Variants in CCNY observed in about 807,000 individuals in gnomAD.
CCNY encodes cyclin Y, also known as cyclin-Y.
In CCNY, 19 loss-of-function variants were observed where a neutral mutation model predicts 42.8. That is an observed-to-expected ratio of 0.44 (90% confidence interval 0.31 to 0.65). CCNY has a LOEUF of 0.65. CCNY is among the 30% of genes least tolerant of loss of function. The pLI, the probability that CCNY is intolerant of heterozygous loss-of-function variation, is 0.07. For missense variants in CCNY, 370 were observed against 437.3 expected (o/e 0.85, Z 1.37); for synonymous variants, 165 against 162.7 (o/e 1.01, Z -0.11).
chr10:35,343,281 G>A (rs146614059), intron 1 of CCNY, among the ~76,000 whole-genome samples: 4 of 150,128 alleles, frequency 2.7e-5, no homozygotes, highest in African/African-American at 7.4e-5. Flanking sequence ...GAGCCACTGC[G>A]CCCAGTCTCC....
chr10:35,286,355 T>G (rs1192363812), intron 3 of CCNY, among the ~76,000 whole-genome samples: 1 of 151,896 alleles, frequency 6.6e-6, no homozygotes, highest in Non-Finnish European at 1.5e-5. Context: ...ATTAGTATTT[T>G]ACCATACTTT....
intron 3 of CCNY, among the ~76,000 whole-genome samples, chr10:35,328,319 G>C (rs1197250069): frequency 6.6e-6 from 1 of 152,166 alleles, no homozygotes; most frequent in African/African-American, 2.4e-5. Flanking sequence ...TCAAACAGAA[G>C]ACCCCAAATC....
At chr10:35,552,925 G>A (rs1271424478) in intron 7 of CCNY, 94 bp from the exon 8 acceptor site, 1 of 1,220,968 alleles carries the variant, frequency 8.2e-7, no homozygotes, top group Non-Finnish European at 1.2e-6. Flanking sequence ...CCCATTTAAA[G>A]GTGGATGTAA....
At chr10:35,349,527 C>T (rs938903438) in intron 1 of CCNY, among the ~76,000 whole-genome samples, 1 of 152,162 alleles carries the variant, frequency 6.6e-6, no homozygotes, top group Non-Finnish European at 1.5e-5. Flanking sequence ...TGTTCTGTTC[C>T]CTAAGCTCAT....
intron 2 of CCNY, among the ~76,000 whole-genome samples, chr10:35,491,366 C>T (rs1485434440): frequency 6.6e-6 from 1 of 152,216 alleles, no homozygotes; most frequent in Non-Finnish European, 1.5e-5. Flanking sequence ...GCAATGTCTG[C>T]TCATTGACTT....
At chr10:35,445,004 T>C (rs1291564841) in intron 1 of CCNY, among the ~76,000 whole-genome samples, 1 of 152,176 alleles carries the variant, frequency 6.6e-6, no homozygotes, top group Non-Finnish European at 1.5e-5. Context: ...GTGGTTTGGC[T>C]TCAGGGTGAT....
chr10:35,392,007 G>A (rs1837424662), intron 1 of CCNY, among the ~76,000 whole-genome samples: 1 of 151,860 alleles, frequency 6.6e-6, no homozygotes, highest in African/African-American at 2.4e-5. Context: ...TTTATTATTT[G>A]TTCCATTAAA....
At chr10:35,310,582 T>G (rs1420392914) in intron 3 of CCNY, among the ~76,000 whole-genome samples, 2 of 152,226 alleles carry the variant, frequency 1.3e-5, no homozygotes, top group Admixed American at 1.3e-4. Flanking sequence ...TTTGTCTTTT[T>G]GACAATAGCC....
chr10:35,448,100 C>T (rs920514385), intron 1 of CCNY, among the ~76,000 whole-genome samples: 4 of 152,138 alleles, frequency 2.6e-5, no homozygotes, highest in Admixed American at 6.5e-5. Context: ...ACCAGCGGCT[C>T]GCATTTTAAT....
intron 3 of CCNY, among the ~76,000 whole-genome samples, chr10:35,323,212 A>G (rs1349189611): frequency 6.6e-6 from 1 of 152,182 alleles, no homozygotes; most frequent in Non-Finnish European, 1.5e-5. Flanking sequence ...TACAGGCATG[A>G]GCCACCGCAC....
chr10:35,517,171 C>T (rs996664910), intron 4 of CCNY, among the ~76,000 whole-genome samples: 3 of 152,000 alleles, frequency 2.0e-5, no homozygotes, highest in Non-Finnish European at 4.4e-5. Context: ...TTCTGTGGGG[C>T]CTTTAATTCC....
intron 3 of CCNY, among the ~76,000 whole-genome samples, chr10:35,290,122 G>A (rs547034167): frequency 2.6e-4 from 39 of 151,478 alleles, no homozygotes; most frequent in African/African-American, 8.5e-4. Context: ...GCTACTCGGC[G>A]GGCTGAGGCA....
At chr10:35,297,885 A>G (rs1835489869) in intron 3 of CCNY, among the ~76,000 whole-genome samples, 1 of 152,226 alleles carries the variant, frequency 6.6e-6, no homozygotes, top group South Asian at 2.1e-4. Flanking sequence ...GTGGATAGGA[A>G]GAATCAATAT....
chr10:35,495,441 G>A (rs1839985743), intron 2 of CCNY, among the ~76,000 whole-genome samples: 2 of 152,314 alleles, frequency 1.3e-5, no homozygotes, highest in Non-Finnish European at 2.9e-5. Context: ...TTCTCCTTAT[G>A]TTCTTCCTTC....
chr10:35,294,593 C>T lies in CCNY; in HGVS notation c.-9+43967C>T, dbSNP rs115322961. On this transcript the variant is annotated intron_variant, in intron 3 of 11. Transcript: ENST00000374706. Reference sequence around the variant, plus strand: ...ATCTTCAGATGTTAAACCACCTTTGCATTTCTGGGATAAATCCCACTTGGC... The same window carrying T: ...ATCTTCAGATGTTAAACCACCTTTGTATTTCTGGGATAAATCCCACTTGGC... Among the ~76,000 whole-genome samples, 770 of 152,262 alleles carry T rather than the reference C, an allele frequency of 5.1e-3. 8 individuals are homozygous for T. The highest frequency in any genetic ancestry group is 0.017 in the African/African-American group (686 of 41,558).
intron 1 of CCNY, among the ~76,000 whole-genome samples, chr10:35,406,245 T>TTTATTTA (rs1564398905): frequency 3.4e-5 from 4 of 118,054 alleles, no homozygotes; most frequent in African/African-American, 1.3e-4. Flanking sequence ...TTATTTATTT[T>TTTATTTA]TTTATTGATC....
chr10:35,568,979 TCGGCGCCCAG>T, intron 9 of CCNY, 65 bp from the exon 10 acceptor site: 1 of 970,272 alleles, frequency 1.0e-6, no homozygotes, highest in Non-Finnish European at 1.7e-6. Context: ...TGCAGCGCCC[TCGGCGCCCAG>T]GACGAGTGAG....
At chr10:35,497,367 G>T (rs114810632) in intron 2 of CCNY, among the ~76,000 whole-genome samples, 2 of 152,146 alleles carry the variant, frequency 1.3e-5, no homozygotes, top group African/African-American at 4.8e-5. Flanking sequence ...AGCCTCAGTG[G>T]TTTCAAATTT....
intron 8 of CCNY, among the ~76,000 whole-genome samples, chr10:35,559,941 C>G (rs925443012): frequency 6.6e-6 from 1 of 152,234 alleles, no homozygotes; most frequent in African/African-American, 2.4e-5. Context: ...GGAGCTTGCC[C>G]TGCTAGATTT....
Sources: gnomAD v4.1 joint callset for allele counts (sites outside exome capture counted in the v4.1 genomes callset) on GRCh38, gnomAD v4.1.1 for gene constraint, MANE v1.5 for transcripts, NCBI Gene and HGNC (gene_info 2026-07-23, HGNC 2026-07-21) for gene names.